Variants in IL15 observed in about 807,000 individuals in gnomAD.
IL15 encodes the protein interleukin 15.
IL15 carries 11 observed loss-of-function variants against 19.6 expected under a neutral mutation model. That is an observed-to-expected ratio of 0.56 (90% CI 0.35 to 0.93). IL15 has a LOEUF of 0.93. IL15 is among the 40% of genes least tolerant of loss of function. The pLI is 0.01. For missense variants in IL15, 197 were observed against 186.5 expected, an observed-to-expected ratio of 1.06 and a Z score of -0.33; for synonymous variants, 58 against 59.6, an observed-to-expected ratio of 0.97 and a Z score of 0.12.
At chr4:141,692,998 C>A (rs1728965968) in intron 2 of IL15, among the ~76,000 whole-genome samples, 1 of 73,318 alleles carries the variant, frequency 1.4e-5, no homozygotes, top group African/African-American at 6.0e-5. Context: ...GCCAGGGGAA[C>A]AGAGCAAGAC....
intron 2 of IL15, among the ~76,000 whole-genome samples, chr4:141,670,288 G>A (rs892979344): frequency 6.6e-6 from 1 of 151,650 alleles, no homozygotes; most frequent in African/African-American, 2.4e-5. Context: ...AATAAGACAG[G>A]CTATAAGAAT....
At chr4:141,651,915 G>A (rs1023112079) in intron 1 of IL15, among the ~76,000 whole-genome samples, 17 of 151,928 alleles carry the variant, frequency 1.1e-4, no homozygotes, top group African/African-American at 3.9e-4. Context: ...AAAGAAATCC[G>A]ACATCTTAGA....
At chr4:141,664,338 G>A (rs1727892163) in intron 2 of IL15, among the ~76,000 whole-genome samples, 2 of 100,556 alleles carry the variant, frequency 2.0e-5, no homozygotes, top group Admixed American at 1.1e-4. Flanking sequence ...TCTTTGGTGG[G>A]CAAAACACAC....
chr4:141,730,019 T>C (rs1730399580), intron 7 of IL15, 35 bp downstream of exon 7: 4 of 1,560,336 alleles, frequency 2.6e-6, no homozygotes, highest in Non-Finnish European at 3.5e-6. Context: ...AGTTGCATCT[T>C]ATGTTTTGGG....
intron 2 of IL15, among the ~76,000 whole-genome samples, chr4:141,693,302 G>GCA (rs1728985740): frequency 1.3e-5 from 2 of 152,044 alleles, no homozygotes; most frequent in Admixed American, 1.3e-4. Context: ...CCCCCACTGG[G>GCA]TCCCTCCCTC....
intron 1 of IL15, among the ~76,000 whole-genome samples, chr4:141,653,221 C>A (rs1727470215): frequency 6.6e-6 from 1 of 152,148 alleles, no homozygotes; most frequent in Non-Finnish European, 1.5e-5. Flanking sequence ...GGTTCAGAAA[C>A]TGTGCCATGC....
intron 1 of IL15, among the ~76,000 whole-genome samples, chr4:141,641,842 TA>T (rs921435170): frequency 1.6e-3 from 227 of 141,688 alleles, no homozygotes; most frequent in Middle Eastern, 3.6e-3. Context: ...AAGTATAATT[TA>T]AAAAAAAAAA....
chr4:141,706,333 T>C (rs950864422), intron 2 of IL15, among the ~76,000 whole-genome samples: 2 of 152,094 alleles, frequency 1.3e-5, no homozygotes, highest in Non-Finnish European at 2.9e-5. Context: ...TCCAGATGTT[T>C]TCTCTTTTCT....
At chr4:141,688,761 A>C (rs917031546) in intron 2 of IL15, 2 of 152,272 alleles carry the variant, frequency 1.3e-5, no homozygotes, top group Non-Finnish European at 2.9e-5. Flanking sequence ...CCAGCCTCCC[A>C]AACTTAACAT....
chr4:141,726,619 C>G (rs984162097), intron 5 of IL15, among the ~76,000 whole-genome samples: 1 of 152,122 alleles, frequency 6.6e-6, no homozygotes, highest in African/African-American at 2.4e-5. Flanking sequence ...TAAATGAAAA[C>G]TACGTGCACA....
chr4:141,713,641 A>C (rs1356790617), intron 2 of IL15, among the ~76,000 whole-genome samples: 3 of 152,148 alleles, frequency 2.0e-5, no homozygotes, highest in Admixed American at 2.0e-4. Flanking sequence ...CTGAAAACAC[A>C]CTATACTTGG....
intron 2 of IL15, among the ~76,000 whole-genome samples, chr4:141,709,864 A>G (rs1029862790): frequency 2.6e-5 from 4 of 152,024 alleles, no homozygotes; most frequent in Non-Finnish European, 5.9e-5. Context: ...GAATGATGCC[A>G]TCACCCAGGT....
intron 2 of IL15, among the ~76,000 whole-genome samples, chr4:141,673,415 G>A (rs188284881): frequency 6.6e-6 from 1 of 152,206 alleles, no homozygotes; most frequent in African/African-American, 2.4e-5. Context: ...TAGTTCCCTA[G>A]CAAATTACTA....
At position 141,659,869 on chromosome 4, in the gene IL15, G is replaced by T. The variant is rs190179322; in HGVS notation, c.-100+3562G>T. Among the ~76,000 whole-genome samples the T allele has an allele frequency of 1.6e-3, 243 of 151,766 alleles. 2 individuals carry two copies. The highest frequency in any genetic ancestry group is 5.7e-3 in the African/African-American group (235 of 41,432). On this transcript the variant is annotated intron_variant, in intron 2 of 7. Transcript: ENST00000320650. ...GTTTTTCTTTTTATGAATTCTGTTT[G>T]ATTCCTACATTTTTTAGGTTCAGCT... is the stretch of plus-strand genomic sequence containing the variant.
At chr4:141,708,231 C>T (rs1002623375) in intron 2 of IL15, among the ~76,000 whole-genome samples, 1 of 152,102 alleles carries the variant, frequency 6.6e-6, no homozygotes, top group African/African-American at 2.4e-5. Flanking sequence ...TAGTGGTGTG[C>T]CATGTGAGTT....
At chr4:141,709,856 A>T (rs1049511766) in intron 2 of IL15, among the ~76,000 whole-genome samples, 1 of 151,998 alleles carries the variant, frequency 6.6e-6, no homozygotes, top group African/African-American at 2.4e-5. Flanking sequence ...TGGTGTATGA[A>T]TGATGCCATC....
At chr4:141,656,665 G>A (rs1458086744) in intron 2 of IL15, among the ~76,000 whole-genome samples, 8 of 152,046 alleles carry the variant, frequency 5.3e-5, no homozygotes, top group South Asian at 2.1e-4. Context: ...AAAAACAGGC[G>A]GCTGATGAGG....
chr4:141,719,533 A>G (rs1005534716), intron 3 of IL15, 57 bp downstream of exon 3: 2 of 1,329,690 alleles, frequency 1.5e-6, no homozygotes, highest in Non-Finnish European at 2.1e-6. Context: ...GGTCGTCTGA[A>G]TCTCAGAGTC....
chr4:141,643,825 C>T (rs1351233993), intron 1 of IL15, among the ~76,000 whole-genome samples: 1 of 151,844 alleles, frequency 6.6e-6, no homozygotes, highest in Non-Finnish European at 1.5e-5. Context: ...GCCATGACCT[C>T]TCCCCTGAAC....
Sources: gnomAD v4.1 joint callset for allele counts (sites outside exome capture counted in the v4.1 genomes callset) on GRCh38, gnomAD v4.1.1 for gene constraint, MANE v1.5 for transcripts, NCBI Gene and HGNC (gene_info 2026-07-23, HGNC 2026-07-21) for gene names.